The following CDH13 variants were observed in gnomAD, a reference collection of about 807,000 sequenced individuals.
CDH13 encodes cadherin-13.
CDH13 carries 24 observed loss-of-function variants against 63.8 expected under a neutral mutation model. The ratio of observed to expected loss-of-function variants is 0.38; its 90% CI spans 0.27 to 0.53. The LOEUF (loss-of-function observed/expected upper bound fraction) is 0.53. Among genes scored for constraint, CDH13 ranks in the 20% least tolerant of loss-of-function variants. CDH13 has a pLI of 0.85. For missense variants in CDH13, 1,049 were observed against 903.1 expected (o/e 1.16, Z -2.07); for synonymous variants, 503 against 355.3 (o/e 1.42, Z -4.67).
chr16:83,777,018 T>A (rs903011029), intron 11 of CDH13, among the ~76,000 whole-genome samples: 22 of 152,166 alleles, frequency 1.4e-4, no homozygotes, highest in South Asian at 2.1e-4. Context: ...CCGCTGGTCT[T>A]CCCACTTCCC....
intron 7 of CDH13, among the ~76,000 whole-genome samples, chr16:83,531,776 G>T (rs1158951101): frequency 6.6e-6 from 1 of 152,160 alleles, no homozygotes; most frequent in African/African-American, 2.4e-5. Flanking sequence ...GTGTGGCCCT[G>T]CGGCCACCTT....
chr16:83,221,537 A>G (rs1178393681), intron 5 of CDH13, among the ~76,000 whole-genome samples: 1 of 152,134 alleles, frequency 6.6e-6, no homozygotes, highest in Non-Finnish European at 1.5e-5. Context: ...CTATAAAAAT[A>G]TTAGCAGGTG....
intron 5 of CDH13, among the ~76,000 whole-genome samples, chr16:83,265,759 G>GTGTCA (rs1907543294): frequency 1.6e-5 from 1 of 60,728 alleles, no homozygotes; most frequent in Non-Finnish European, 2.9e-5. Flanking sequence ...TTTTTGGTCT[G>GTGTCA]TGTCATGTTA....
intron 6 of CDH13, among the ~76,000 whole-genome samples, chr16:83,480,485 C>G (rs1301388559): frequency 6.6e-6 from 1 of 152,162 alleles, no homozygotes; most frequent in African/African-American, 2.4e-5. Context: ...TAGGAGAGAA[C>G]TGGCTCATGT....
chr16:82,911,306 GT>G (rs994588179), intron 2 of CDH13, among the ~76,000 whole-genome samples: 3 of 152,226 alleles, frequency 2.0e-5, no homozygotes, highest in African/African-American at 7.2e-5. Context: ...TCAAGGAATA[GT>G]TTATCAGTTC....
intron 4 of CDH13, among the ~76,000 whole-genome samples, chr16:83,160,546 G>A (rs543766100): frequency 6.6e-6 from 1 of 152,152 alleles, no homozygotes; most frequent in Non-Finnish European, 1.5e-5. Flanking sequence ...AGATCAAAGG[G>A]CACATTTAGC....
chr16:82,970,997 A>G (rs1377831072), intron 2 of CDH13, among the ~76,000 whole-genome samples: 4 of 152,218 alleles, frequency 2.6e-5, no homozygotes, highest in Non-Finnish European at 5.9e-5. Flanking sequence ...TGCAAAATCC[A>G]TAGCAGACAC....
chr16:82,637,428 CTTTTTTTT>C (rs573088098), intron 1 of CDH13, among the ~76,000 whole-genome samples: 2 of 81,654 alleles, frequency 2.4e-5, no homozygotes, highest in African/African-American at 1.0e-4. Flanking sequence ...GTTACTGTGC[CTTTTTTTT>C]TTTTTTTTTT....
chr16:83,657,127 T>C (rs1204795073), intron 8 of CDH13, among the ~76,000 whole-genome samples: 1 of 152,198 alleles, frequency 6.6e-6, no homozygotes, highest in Non-Finnish European at 1.5e-5. Context: ...GCAAAATGAA[T>C]GATGTAGGCT....
chr16:83,279,875 G>A (rs2089110951), intron 5 of CDH13, among the ~76,000 whole-genome samples: 1 of 151,332 alleles, frequency 6.6e-6, no homozygotes, highest in Non-Finnish European at 1.5e-5. Flanking sequence ...ACATATAGAA[G>A]CTCCATTTAT....
chr16:83,570,984 C>T (rs947794279), intron 7 of CDH13, among the ~76,000 whole-genome samples: 8 of 102,600 alleles, frequency 7.8e-5, no homozygotes, highest in South Asian at 2.9e-4. Flanking sequence ...AACCTTCTGG[C>T]GCCACCCAAG....
intron 7 of CDH13, among the ~76,000 whole-genome samples, chr16:83,553,020 A>G (rs2075536023): frequency 6.6e-6 from 1 of 151,382 alleles, no homozygotes; most frequent in African/African-American, 2.4e-5. Context: ...CAGAGGTTGC[A>G]GTGAGCTGAG....
intron 2 of CDH13, among the ~76,000 whole-genome samples, chr16:82,947,169 C>T (rs1904824704): frequency 6.6e-6 from 1 of 152,104 alleles, no homozygotes; most frequent in Non-Finnish European, 1.5e-5. Flanking sequence ...CTTGAGTGAT[C>T]CATCACACCT....
chr16:83,242,012 A>G (rs899798767), intron 5 of CDH13, among the ~76,000 whole-genome samples: 1 of 152,168 alleles, frequency 6.6e-6, no homozygotes, highest in Non-Finnish European at 1.5e-5. Context: ...TGATTTTTGT[A>G]TACGGCATGA....
chr16:83,373,197 C>T (rs79266488), intron 6 of CDH13, among the ~76,000 whole-genome samples: 14,002 of 152,082 alleles, frequency 0.092, 893 homozygotes, highest in Non-Finnish European at 0.14. Flanking sequence ...AGGAAGCAGA[C>T]GGCATGCTCA....
chr16:83,695,617 A>G (rs1419912600), intron 10 of CDH13, among the ~76,000 whole-genome samples: 1 of 152,258 alleles, frequency 6.6e-6, no homozygotes, highest in Non-Finnish European at 1.5e-5. Context: ...GAATTTAACA[A>G]ATAACTAGAA....
In CDH13 at chr16:83,774,283, ACAG is replaced by A. The variant is rs1477705320; in HGVS notation, c.1682-5684_1682-5682del. The stretch of plus-strand genomic sequence containing the variant: ...CTTGGGTACCCAGCCTGACTATGAC[ACAG>A]GCTGTCATAGTCATTTCCAGCAAGC... On this transcript the variant is annotated intron_variant, in intron 11 of 13. Transcript: ENST00000567109. Among the ~76,000 whole-genome samples, 6 of 152,270 alleles carry A rather than the reference ACAG, an allele frequency of 3.9e-5. No individual in the cohort carries two copies. The East Asian group carries it at 1.2e-3, about 29-fold the overall frequency.
chr16:83,078,106 A>G (rs1050945959), intron 3 of CDH13, among the ~76,000 whole-genome samples: 5 of 152,192 alleles, frequency 3.3e-5, no homozygotes, highest in African/African-American at 1.2e-4. Flanking sequence ...GGATACCTGG[A>G]GACTGCTCAC....
chr16:83,109,502 C>A (rs1047107058), intron 3 of CDH13, among the ~76,000 whole-genome samples: 1 of 152,166 alleles, frequency 6.6e-6, no homozygotes, highest in South Asian at 2.1e-4. Context: ...AGGTATGTGT[C>A]AAACCCCTAA....
Sources: allele counts gnomAD v4.1 joint callset (sites outside exome capture counted in the v4.1 genomes callset), GRCh38; gene constraint gnomAD v4.1.1; transcripts MANE v1.5; gene names NCBI Gene and HGNC (gene_info 2026-07-23, HGNC 2026-07-21).